The following AUTS2 variants were observed in gnomAD, a reference collection of about 807,000 sequenced individuals.
AUTS2 encodes the protein activator of transcription and developmental regulator AUTS2.
Under a neutral mutation model 112.4 loss-of-function variants are expected in AUTS2, and 17 were observed. The ratio of observed to expected loss-of-function variants is 0.15; its 90% CI spans 0.10 to 0.23. The LOEUF (loss-of-function observed/expected upper bound fraction) is 0.23, where lower values mean the gene tolerates loss of function less well. Ranked by LOEUF, AUTS2 falls within the 10% of genes least tolerant of loss-of-function variation. AUTS2 has a pLI of 1.00. For missense variants in AUTS2, 1,510 were observed against 1,701.6 expected (o/e 0.89, Z 1.98); for synonymous variants, 751 against 702.7 (o/e 1.07, Z -1.09).
At chr7:69,855,326 C>T (rs146526142) in intron 1 of AUTS2, among the ~76,000 whole-genome samples, 119 of 152,146 alleles carry the variant, frequency 7.8e-4, no homozygotes, top group African/African-American at 2.8e-3. Context: ...TGTGGTATCA[C>T]GGAATTTTAT....
chr7:70,614,790 C>G (rs549465721), intron 5 of AUTS2, among the ~76,000 whole-genome samples: 3 of 152,226 alleles, frequency 2.0e-5, no homozygotes, highest in East Asian at 1.9e-4. Context: ...CAGCCTCCCC[C>G]CTGGGGAGAA....
At chr7:70,521,012 C>T (rs1167892784) in intron 5 of AUTS2, among the ~76,000 whole-genome samples, 2 of 152,148 alleles carry the variant, frequency 1.3e-5, no homozygotes, top group African/African-American at 2.4e-5. Flanking sequence ...TTTCCCACCC[C>T]ACCCCGAATT....
At chr7:69,914,372 C>CAG (rs1795485894) in intron 2 of AUTS2, among the ~76,000 whole-genome samples, 2 of 150,910 alleles carry the variant, frequency 1.3e-5, no homozygotes, top group Admixed American at 6.6e-5. Context: ...CACACACACA[C>CAG]ACACACACAC....
intron 2 of AUTS2, among the ~76,000 whole-genome samples, chr7:70,084,817 C>G (rs1429438590): frequency 6.6e-6 from 1 of 151,932 alleles, no homozygotes; most frequent in African/African-American, 2.4e-5. Context: ...TGTTGTTTGT[C>G]TTTTTATTCT....
chr7:70,684,627 G>A (rs1353636559), intron 5 of AUTS2, among the ~76,000 whole-genome samples: 1 of 151,378 alleles, frequency 6.6e-6, no homozygotes, highest in Non-Finnish European at 1.5e-5. Context: ...GTATGGTGTG[G>A]CGTGGTATGG....
chr7:70,152,939 C>T (rs2129576454), intron 4 of AUTS2, among the ~76,000 whole-genome samples: 1 of 152,228 alleles, frequency 6.6e-6, no homozygotes, highest in Admixed American at 6.5e-5. Context: ...CAACCATAAA[C>T]TCTAGTTTCT....
At chr7:70,406,280 A>G (rs905472204) in intron 4 of AUTS2, among the ~76,000 whole-genome samples, 1 of 152,036 alleles carries the variant, frequency 6.6e-6, no homozygotes, top group Non-Finnish European at 1.5e-5. Flanking sequence ...TTTCCCTGCA[A>G]TGGTGGGACA....
chr7:69,668,125 G>A (rs1796156023), intron 1 of AUTS2, among the ~76,000 whole-genome samples: 1 of 152,186 alleles, frequency 6.6e-6, no homozygotes, highest in African/African-American at 2.4e-5. Context: ...CACACAGTGG[G>A]TGGAGGGATT....
chr7:69,794,888 C>T (rs1258995962), intron 1 of AUTS2, among the ~76,000 whole-genome samples: 2 of 152,064 alleles, frequency 1.3e-5, no homozygotes, highest in African/African-American at 4.8e-5. Flanking sequence ...TAAAATAGCT[C>T]ACAAAATAGT....
chr7:70,506,310 C>T (rs1798959222), intron 5 of AUTS2, among the ~76,000 whole-genome samples: 1 of 152,320 alleles, frequency 6.6e-6, no homozygotes, highest in East Asian at 1.9e-4. Context: ...CAAGGACAGA[C>T]GTCTCTAGGT....
chr7:70,129,521 A>G (rs953593316), intron 3 of AUTS2, among the ~76,000 whole-genome samples: 1 of 152,212 alleles, frequency 6.6e-6, no homozygotes, highest in African/African-American at 2.4e-5. Context: ...ATTGACCACC[A>G]CAATCACACT....
At position 70,764,792 on chromosome 7, in the gene AUTS2, C is replaced by G; in HGVS notation, c.1255C>G (p.Pro419Ala). ...CACTCCAGCGAAGACTCAGCCCGCC[C>G]CACCTCACATCTCCCACCACCCCTC... ...SSTPAKTQPA[P>A]PHISHHPSAS... Residue 419 changes from proline (P) to alanine (A), a missense_variant, in exon 8 of 19, where the codon CCA (proline) becomes GCA (alanine). Physicochemically the swap from Pro to Ala is conservative, Grantham distance 27. This residue lies in a region of AUTS2 where 535 missense variants were observed against 594.3 expected (regional missense o/e 0.90). Transcript: ENST00000342771. 1 of 868,682 alleles carries G rather than the reference C, an allele frequency of 1.2e-6. No homozygotes were observed. The highest frequency in any genetic ancestry group is 1.9e-6 in the Non-Finnish European group (1 of 522,734). 53.8% of individuals were successfully genotyped at this position (868,682 alleles called of 1,614,324 possible).
intron 2 of AUTS2, among the ~76,000 whole-genome samples, chr7:69,967,696 G>A (rs1448110847): frequency 1.3e-5 from 2 of 152,200 alleles, no homozygotes; most frequent in Admixed American, 1.3e-4. Context: ...GCGCTATATT[G>A]TGGGTTTTTT....
chr7:70,248,181 C>T (rs1198295332), intron 4 of AUTS2, among the ~76,000 whole-genome samples: 1 of 152,130 alleles, frequency 6.6e-6, no homozygotes. Context: ...TAGTGTTTTT[C>T]TCAAATCATC....
At chr7:70,484,777 T>C (rs1304823742) in intron 5 of AUTS2, among the ~76,000 whole-genome samples, 1 of 152,150 alleles carries the variant, frequency 6.6e-6, no homozygotes, top group African/African-American at 2.4e-5. Context: ...TTTGAAAATA[T>C]CTCCACCATG....
chr7:70,070,503 C>T (rs551613677), intron 2 of AUTS2, among the ~76,000 whole-genome samples: 70 of 149,664 alleles, frequency 4.7e-4, no homozygotes, highest in Non-Finnish European at 6.4e-4. Context: ...CGCTTGAACC[C>T]GGGAGGCGGA....
intron 5 of AUTS2, among the ~76,000 whole-genome samples, chr7:70,482,121 T>C (rs185253793): frequency 1.9e-3 from 284 of 152,312 alleles, no homozygotes; most frequent in Non-Finnish European, 3.5e-3. Context: ...TCTTTGAAGA[T>C]AAATGATCGT....
At position 69,828,338 on chromosome 7, in the gene AUTS2, T is replaced by A. The variant is rs182799212; in HGVS notation, c.310-70948T>A. 7.7e-4 allele frequency among the ~76,000 whole-genome samples: 118 copies of A among 152,328 alleles called. No individual in the cohort carries two copies. In the East Asian group the frequency reaches 0.013, roughly 17 times the overall value. ...AAGTATAATTTCTATCTGGTTGTTG[T>A]CTGCATGTGGTGCTTTGAAATTGGC... is the stretch of plus-strand genomic sequence containing the variant. On this transcript the variant is annotated intron_variant, in intron 1 of 18. Coordinates refer to ENST00000342771, the MANE Select transcript of AUTS2 (RefSeq NM_015570.4).
In AUTS2 at chr7:70,764,821, C is replaced by T. The variant is rs1479024417; in HGVS notation, c.1284C>T (p.Ala428=). 1 of 1,129,064 alleles carries T rather than the reference C, an allele frequency of 8.9e-7. No individual in the cohort carries two copies. Among genetic ancestry groups the T allele is most frequent in the South Asian group, 1.3e-5 (1 of 75,802 alleles). 69.9% of individuals were successfully genotyped at this position (1,129,064 alleles called of 1,614,324 possible). A position where few individuals can be genotyped will look rare whatever the true frequency, so the allele number is the denominator to read the frequency against. The change falls in exon 8 of 19, where the codon GCC becomes GCT. Residue 428 remains alanine (A), a synonymous_variant. Transcript: ENST00000342771. ...CTCACATCTCCCACCACCCCTCTGC[C>T]TCCCCGTTCCCCCTCTCCCTGCCCA... ...APPHISHHPS[A]SPFPLSLPNH... is the part of the protein sequence containing the mutation.
Sources: gnomAD v4.1 joint callset for allele counts (sites outside exome capture counted in the v4.1 genomes callset) on GRCh38, gnomAD v4.1.1 for gene constraint, gnomAD v4.1.1 regional missense constraint, MANE v1.5 for transcripts, NCBI Gene and HGNC (gene_info 2026-07-23, HGNC 2026-07-21) for gene names.